The following MARCHF1 variants were observed in gnomAD, a reference collection of about 807,000 sequenced individuals.
The protein encoded by MARCHF1 is E3 ubiquitin-protein ligase MARCHF1.
MARCHF1 carries 40 observed loss-of-function variants against 54.2 expected under a neutral mutation model. The ratio of observed to expected loss-of-function variants is 0.74; its 90% CI spans 0.57 to 0.96. The LOEUF (loss-of-function observed/expected upper bound fraction) is 0.96, where lower values mean the gene tolerates loss of function less well. Ranked by LOEUF, MARCHF1 falls within the 40% of genes least tolerant of loss-of-function variation. MARCHF1 has a pLI of 0.00. For missense variants in MARCHF1, 586 were observed against 656.5 expected (o/e 0.89, Z 1.17); for synonymous variants, 236 against 236.3 (o/e 1.00, Z 0.01).
At chr4:164,161,542 T>TAAG (rs1553987978) in intron 1 of MARCHF1, among the ~76,000 whole-genome samples, 2 of 151,182 alleles carry the variant, frequency 1.3e-5, no homozygotes, top group African/African-American at 4.9e-5. Flanking sequence ...ATCATCATCA[T>TAAG]CATCAGCAGC....
intron 2 of MARCHF1, among the ~76,000 whole-genome samples, chr4:164,008,828 A>G (rs1186615752): frequency 1.3e-5 from 2 of 152,090 alleles, no homozygotes; most frequent in Non-Finnish European, 2.9e-5. Flanking sequence ...GGATATGGCA[A>G]AAACAGTAAG....
At chr4:164,257,322 TTTC>T (rs1259110699) in intron 1 of MARCHF1, among the ~76,000 whole-genome samples, 3 of 152,040 alleles carry the variant, frequency 2.0e-5, no homozygotes, top group African/African-American at 7.2e-5. Context: ...TTGGATAATT[TTTC>T]TTGTTTCTCT....
At chr4:163,529,127 A>C in intron 9 of MARCHF1, 81 bp from the exon 10 acceptor site, 2 of 1,031,802 alleles carry the variant, frequency 1.9e-6, no homozygotes. Context: ...TGACCCTTCA[A>C]AAGCCCGTGC....
At chr4:163,618,157 C>T (rs1228206170) in intron 5 of MARCHF1, among the ~76,000 whole-genome samples, 1 of 152,138 alleles carries the variant, frequency 6.6e-6, no homozygotes, top group African/African-American at 2.4e-5. Context: ...TTCATTTGTA[C>T]ATGTTCCGCT....
chr4:164,156,659 C>A (rs1384290707), intron 1 of MARCHF1, among the ~76,000 whole-genome samples: 1 of 152,092 alleles, frequency 6.6e-6, no homozygotes, highest in African/African-American at 2.4e-5. Context: ...TGAGCTCAAG[C>A]AATCCACTCA....
At chr4:163,852,154 G>A (rs976919284) in intron 4 of MARCHF1, among the ~76,000 whole-genome samples, 10 of 152,034 alleles carry the variant, frequency 6.6e-5, no homozygotes, top group African/African-American at 2.4e-4. Flanking sequence ...AGTAGAAAAA[G>A]CATTGTTTTG....
chr4:164,190,396 A>G (rs1475981725), intron 1 of MARCHF1: 2 of 490,562 alleles, frequency 4.1e-6, no homozygotes, highest in Non-Finnish European at 7.3e-6. Context: ...TTCCTTAGAA[A>G]AAAAATGAGA....
chr4:163,996,440 A>G (rs1168573884), intron 2 of MARCHF1, among the ~76,000 whole-genome samples: 1 of 152,100 alleles, frequency 6.6e-6, no homozygotes, highest in Non-Finnish European at 1.5e-5. Context: ...CAGACTTACG[A>G]AATTTGGTTA....
chr4:164,167,309 T>C (rs559363175), intron 1 of MARCHF1, among the ~76,000 whole-genome samples: 3 of 151,964 alleles, frequency 2.0e-5, no homozygotes, highest in African/African-American at 7.2e-5. Context: ...GTATATTATA[T>C]TTGTGGATGG....
At chr4:163,641,432 T>G (rs746853955) in intron 5 of MARCHF1, among the ~76,000 whole-genome samples, 3 of 152,132 alleles carry the variant, frequency 2.0e-5, no homozygotes, top group Non-Finnish European at 4.4e-5. Context: ...AATGAACTCT[T>G]GTGATATTCA....
intron 3 of MARCHF1, among the ~76,000 whole-genome samples, chr4:163,881,165 A>C (rs920508485): frequency 2.0e-5 from 3 of 152,176 alleles, no homozygotes; most frequent in Non-Finnish European, 4.4e-5. Flanking sequence ...TCACATTGTC[A>C]AGTACAGAGA....
chr4:163,596,488 C>T (rs945122407), intron 7 of MARCHF1, among the ~76,000 whole-genome samples: 11 of 135,940 alleles, frequency 8.1e-5, no homozygotes, highest in East Asian at 4.2e-4. Flanking sequence ...TACAGTGAGC[C>T]GAGATTGTAC....
chr4:164,143,920 T>C (rs181141190), intron 1 of MARCHF1, among the ~76,000 whole-genome samples: 1 of 152,080 alleles, frequency 6.6e-6, no homozygotes, highest in Non-Finnish European at 1.5e-5. Context: ...GCTGTATTCA[T>C]GAAACCCATC....
chr4:163,920,577 T>C (rs906934348), intron 3 of MARCHF1, among the ~76,000 whole-genome samples: 3 of 152,164 alleles, frequency 2.0e-5, no homozygotes, highest in Non-Finnish European at 4.4e-5. Flanking sequence ...TATGCTACTA[T>C]AGCCCTGGTG....
intron 1 of MARCHF1, among the ~76,000 whole-genome samples, chr4:164,230,771 A>G (rs113604767): frequency 1.3e-3 from 191 of 152,300 alleles, no homozygotes; most frequent in African/African-American, 4.4e-3. Flanking sequence ...TACTAAATTC[A>G]GAAGGAATTT....
chr4:164,361,868 C>T (rs1730732253), intron 1 of MARCHF1, among the ~76,000 whole-genome samples: 1 of 151,958 alleles, frequency 6.6e-6, no homozygotes, highest in African/African-American at 2.4e-5. Context: ...ATTTAATTTA[C>T]ATCTCATTTA....
intron 1 of MARCHF1, among the ~76,000 whole-genome samples, chr4:164,177,490 T>C (rs1268504169): frequency 6.7e-6 from 1 of 148,952 alleles, no homozygotes. Flanking sequence ...GTCAATGTCA[T>C]CTACTCTTTC....
intron 4 of MARCHF1, among the ~76,000 whole-genome samples, chr4:163,747,476 A>G (rs1746395458): frequency 6.6e-6 from 1 of 152,212 alleles, no homozygotes; most frequent in African/African-American, 2.4e-5. Flanking sequence ...GACCCAGTGA[A>G]TTTGCTGACA....
chr4:163,843,526 GTTTT>G (rs540331418), intron 4 of MARCHF1, among the ~76,000 whole-genome samples: 2 of 148,728 alleles, frequency 1.3e-5, no homozygotes, highest in African/African-American at 4.9e-5. Flanking sequence ...GCCAACACCT[GTTTT>G]TTTTTTAATT....
Sources: gnomAD v4.1 joint callset for allele counts (sites outside exome capture counted in the v4.1 genomes callset) on GRCh38, gnomAD v4.1.1 for gene constraint, MANE v1.5 for transcripts, NCBI Gene and HGNC (gene_info 2026-07-23, HGNC 2026-07-21) for gene names.